The following PHEX variants were observed in gnomAD, a reference collection of about 807,000 sequenced individuals.
PHEX encodes the protein phosphate-regulating neutral endopeptidase PHEX.
PHEX carries 16 observed loss-of-function variants against 68.0 expected under a neutral mutation model. The ratio of observed to expected loss-of-function variants is 0.24; its 90% CI spans 0.16 to 0.36. The LOEUF is 0.36. Among genes scored for constraint, PHEX ranks in the 10% least tolerant of loss-of-function variants. PHEX has a pLI of 1.00. For synonymous variants in PHEX, 208 were observed against 205.1 expected, an observed-to-expected ratio of 1.01 and a Z score of -0.12; for missense variants, 480 against 575.5, an observed-to-expected ratio of 0.83 and a Z score of 1.70.
chrX:22,111,661 G>A, intron 10 of PHEX, 101 bp downstream of exon 10: 1 of 645,473 alleles, frequency 1.5e-6, no homozygotes, highest in Non-Finnish European at 2.6e-6. Flanking sequence ...TTAGGGATTA[G>A]ACAGGGGGAG....
chrX:22,141,105 C>G lies in PHEX; in HGVS notation c.1404+7481C>G, dbSNP rs767367982. Among the ~76,000 whole-genome samples the G allele has an allele frequency of 2.3e-4, 26 of 110,660 alleles. No homozygotes were observed. The South Asian group carries it at 0.01, about 43-fold the overall frequency. ...TGTGGTCCCCAGTCCAGAAGCATCG[C>G]CATCACTCAGGACTAGCTAAAAATG... On this transcript the variant is annotated intron_variant, in intron 12 of 21. Transcript: ENST00000379374.
intron 21 of PHEX, among the ~76,000 whole-genome samples, chrX:22,245,613 C>G (rs1263313234): frequency 8.9e-6 from 1 of 111,894 alleles, no homozygotes; most frequent in Non-Finnish European, 1.9e-5. Context: ...CTGGTTTAGT[C>G]AGCACTCTCT....
In PHEX at chrX:22,047,186, A is replaced by G. The variant is rs779745439; in HGVS notation, c.324A>G (p.Arg108=). 12 of 1,208,250 alleles carry G rather than the reference A, an allele frequency of 9.9e-6. No homozygotes were observed. The African/African-American group carries it at 1.9e-4, about 19-fold the overall frequency. ...GCTATGGGGTTTATCCTTGGCTGAGACATAATGTTGACCTCAAGTTGAAGG... is the reference window on the plus strand; with the variant it reads ...GCTATGGGGTTTATCCTTGGCTGAGGCATAATGTTGACCTCAAGTTGAAGG... ...MPSYGVYPWL[R]HNVDLKLKEL... is the part of the protein sequence containing the mutation. Residue 108 remains arginine (R), a synonymous_variant, in exon 3 of 22, where the codon AGA becomes AGG. Transcript: ENST00000379374.
At chrX:22,182,821 A>C (rs1300731259) in intron 14 of PHEX, among the ~76,000 whole-genome samples, 1 of 111,977 alleles carries the variant, frequency 8.9e-6, no homozygotes, top group African/African-American at 3.2e-5. Flanking sequence ...GACAAAACTA[A>C]GGTCTCACTG....
intron 20 of PHEX, among the ~76,000 whole-genome samples, chrX:22,240,507 G>T (rs1291805239): frequency 1.8e-5 from 2 of 110,830 alleles, no homozygotes; most frequent in African/African-American, 6.6e-5. Flanking sequence ...CACTTGCAGA[G>T]ACACACATAG....
Position 22,226,484 on chromosome X carries a change from T to C in PHEX, c.1941T>C (p.Asn647=), listed in dbSNP as rs755885733. The C allele has an allele frequency of 1.7e-6, 2 of 1,206,770 alleles. No individual in the cohort carries two copies. Among genetic ancestry groups the C allele is most frequent in the East Asian group, 3.0e-5 (1 of 33,736 alleles). ...KRTLGENIAD[N]GGLREAFRAY... ...CCCTGGGAGAAAATATTGCTGATAATGGAGGCCTGCGGGAAGCTTTTAGGG... is the reference window on the plus strand; with the variant it reads ...CCCTGGGAGAAAATATTGCTGATAACGGAGGCCTGCGGGAAGCTTTTAGGG... Residue 647 remains asparagine, a synonymous_variant, in exon 19 of 22, where the codon AAT becomes AAC. Transcript: ENST00000379374.
intron 15 of PHEX, among the ~76,000 whole-genome samples, chrX:22,209,714 TCTG>T (rs1387610781): frequency 6.2e-5 from 4 of 64,471 alleles, no homozygotes; most frequent in African/African-American, 2.4e-4. Context: ...CTCTCTTCCC[TCTG>T]CTCCCTCTGC....
At chrX:22,242,599 T>C (rs1172567509) in intron 20 of PHEX, among the ~76,000 whole-genome samples, 1 of 111,736 alleles carries the variant, frequency 8.9e-6, no homozygotes, top group Admixed American at 9.5e-5. Context: ...ACAAAATCAA[T>C]GTGCAAAAAT....
At chrX:22,134,485 C>T (rs1270728098) in intron 12 of PHEX, among the ~76,000 whole-genome samples, 5 of 111,845 alleles carry the variant, frequency 4.5e-5, no homozygotes, top group Non-Finnish European at 9.4e-5. Context: ...CCCAGCTACT[C>T]GGGAGGCTGA....
intron 12 of PHEX, chrX:22,162,653 A>C (rs1933174424): frequency 8.9e-6 from 1 of 112,458 alleles, no homozygotes; most frequent in Non-Finnish European, 1.9e-5. Flanking sequence ...AATTTTTAGT[A>C]ATTTTTTTCT....
At chrX:22,232,270 T>C (rs1204053117) in intron 20 of PHEX, among the ~76,000 whole-genome samples, 1 of 111,551 alleles carries the variant, frequency 9.0e-6, no homozygotes, top group East Asian at 2.8e-4. Flanking sequence ...GAGAGTTCTG[T>C]AGATGCCTAT....
chrX:22,078,286 AG>A (rs1929249233), intron 5 of PHEX, among the ~76,000 whole-genome samples: 1 of 112,105 alleles, frequency 8.9e-6, no homozygotes, highest in South Asian at 3.7e-4. Context: ...ACATACCCTG[AG>A]GCATTTCACA....
intron 5 of PHEX, among the ~76,000 whole-genome samples, chrX:22,078,915 G>A (rs947507577): frequency 1.8e-5 from 2 of 111,939 alleles, no homozygotes; most frequent in Non-Finnish European, 3.8e-5. Flanking sequence ...GTGTTTCTAT[G>A]TTTGGTGATG....
intron 10 of PHEX, among the ~76,000 whole-genome samples, chrX:22,114,139 G>T (rs1422054425): frequency 3.7e-5 from 4 of 108,278 alleles, no homozygotes; most frequent in African/African-American, 1.4e-4. Flanking sequence ...TAGTAAGCAC[G>T]GGGTTTCACC....
chrX:22,072,646 A>G (rs961702349), intron 3 of PHEX, among the ~76,000 whole-genome samples: 5 of 112,353 alleles, frequency 4.5e-5, no homozygotes, highest in Non-Finnish European at 9.4e-5. Context: ...ACTTCTACAA[A>G]TCAATAACAA....
intron 15 of PHEX, among the ~76,000 whole-genome samples, chrX:22,211,936 G>A (rs1934940105): frequency 9.0e-6 from 1 of 111,579 alleles, no homozygotes; most frequent in African/African-American, 3.3e-5. Flanking sequence ...ACAGTATGGG[G>A]GAAACCGCGC....
intron 15 of PHEX, among the ~76,000 whole-genome samples, chrX:22,193,140 T>C (rs934159408): frequency 9.0e-6 from 1 of 111,170 alleles, no homozygotes; most frequent in Admixed American, 9.6e-5. Flanking sequence ...TGGGAACTTA[T>C]GATATTTGAG....
At chrX:22,193,644 A>G (rs765230818) in intron 15 of PHEX, among the ~76,000 whole-genome samples, 1 of 111,433 alleles carries the variant, frequency 9.0e-6, no homozygotes, top group Non-Finnish European at 1.9e-5. Context: ...CTGCTGTATA[A>G]TATTTCATGA....
At chrX:22,157,936 C>T (rs899200189) in intron 12 of PHEX, among the ~76,000 whole-genome samples, 1 of 111,819 alleles carries the variant, frequency 8.9e-6, no homozygotes, top group African/African-American at 3.3e-5. Context: ...GATGCATCTG[C>T]TTGTGGACCG....
Sources: gnomAD v4.1 joint callset for allele counts (sites outside exome capture counted in the v4.1 genomes callset) on GRCh38, gnomAD v4.1.1 for gene constraint, MANE v1.5 for transcripts, NCBI Gene and HGNC (gene_info 2026-07-23, HGNC 2026-07-21) for gene names.